ARFGEF3: variants seen among roughly 807,000 people sequenced by gnomAD.
The protein encoded by ARFGEF3 is ARFGEF family member 3.
ARFGEF3 carries 96 observed loss-of-function variants against 221.7 expected under a neutral mutation model. The observed-to-expected ratio is 0.43, with a 90% confidence interval of 0.37 to 0.51. The LOEUF (loss-of-function observed/expected upper bound fraction) is 0.51, where lower values mean the gene tolerates loss of function less well. Ranked by LOEUF, ARFGEF3 falls within the 20% of genes least tolerant of loss-of-function variation. The pLI is 0.00. For synonymous variants in ARFGEF3, 1,145 were observed against 1,126.8 expected (o/e 1.02, Z -0.32); for missense variants, 2,410 against 2,789.9 (o/e 0.86, Z 3.07).
chr6:138,308,290 C>T (rs1190176442), intron 23 of ARFGEF3, among the ~76,000 whole-genome samples: 5 of 152,102 alleles, frequency 3.3e-5, no homozygotes, highest in South Asian at 2.1e-4. Context: ...CCCAGACACC[C>T]GCCAAAGGCC....
At chr6:138,270,455 CACACACACAT>C (rs200366040) in intron 12 of ARFGEF3, among the ~76,000 whole-genome samples, 9,794 of 148,802 alleles carry the variant, frequency 0.066, 995 homozygotes, top group African/African-American at 0.24. Context: ...CACACACACA[CACACACACAT>C]ATATATATCT....
intron 2 of ARFGEF3, among the ~76,000 whole-genome samples, chr6:138,181,262 G>C (rs1777074923): frequency 6.6e-6 from 1 of 152,146 alleles, no homozygotes; most frequent in Admixed American, 6.5e-5. Flanking sequence ...ATGTTGACTT[G>C]AGTGATATTT....
At chr6:138,255,809 G>T in intron 10 of ARFGEF3, 40 bp downstream of exon 10, 1 of 1,442,636 alleles carries the variant, frequency 6.9e-7, no homozygotes, top group East Asian at 2.5e-5. Flanking sequence ...TTTACAAGGG[G>T]GCCTGACCAG....
chr6:138,218,203 C>T, intron 4 of ARFGEF3: 1 of 1,613,828 alleles, frequency 6.2e-7, no homozygotes, highest in East Asian at 2.2e-5. Context: ...AACTCTGTTG[C>T]CTTTTGACTT....
chr6:138,221,776 G>A (rs1777986265), intron 4 of ARFGEF3, among the ~76,000 whole-genome samples: 1 of 152,040 alleles, frequency 6.6e-6, no homozygotes, highest in African/African-American at 2.4e-5. Flanking sequence ...ATCAATAAAG[G>A]CCAGAAAAGA....
chr6:138,312,690 A>G (rs1405949351), intron 25 of ARFGEF3, among the ~76,000 whole-genome samples: 2 of 152,056 alleles, frequency 1.3e-5, no homozygotes, highest in East Asian at 1.9e-4. Flanking sequence ...GGATCTGCCA[A>G]TTCCTGCCAA....
At chr6:138,262,019 A>G (rs72986872) in intron 11 of ARFGEF3, among the ~76,000 whole-genome samples, 14,069 of 152,098 alleles carry the variant, frequency 0.092, 858 homozygotes, top group Middle Eastern at 0.18. Flanking sequence ...TGTTTACTTT[A>G]TAGAGGAAGG....
At chr6:138,300,094 G>C (rs1214273697) in intron 22 of ARFGEF3, among the ~76,000 whole-genome samples, 1 of 152,080 alleles carries the variant, frequency 6.6e-6, no homozygotes, top group Non-Finnish European at 1.5e-5. Context: ...GCAACGGAGA[G>C]AACTGATAAA....
At chr6:138,259,007 A>C (rs1304673079) in intron 10 of ARFGEF3, among the ~76,000 whole-genome samples, 1 of 152,202 alleles carries the variant, frequency 6.6e-6, no homozygotes, top group Non-Finnish European at 1.5e-5. Flanking sequence ...CTAGCTTCCC[A>C]AGGTCATTTT....
chr6:138,182,379 C>T (rs1426298930), intron 2 of ARFGEF3, among the ~76,000 whole-genome samples: 1 of 152,134 alleles, frequency 6.6e-6, no homozygotes, highest in Non-Finnish European at 1.5e-5. Flanking sequence ...TCCTAGAAAA[C>T]CTGCTATATT....
At chr6:138,231,534 A>G (rs1397507293) in intron 5 of ARFGEF3, among the ~76,000 whole-genome samples, 1 of 152,234 alleles carries the variant, frequency 6.6e-6, no homozygotes. Flanking sequence ...TGTGCTGATT[A>G]GACAAGAAAA....
At chr6:138,309,724 G>GT (rs1463991604) in intron 24 of ARFGEF3, among the ~76,000 whole-genome samples, 7 of 152,208 alleles carry the variant, frequency 4.6e-5, no homozygotes, top group African/African-American at 1.7e-4. Flanking sequence ...CACTGATGGT[G>GT]TAACTCTTAA....
chr6:138,192,211 AG>A (rs1031938333), intron 2 of ARFGEF3, among the ~76,000 whole-genome samples: 149 of 152,274 alleles, frequency 9.8e-4, no homozygotes, highest in African/African-American at 3.4e-3. Context: ...TGTCGGGGCC[AG>A]GCAAGGTGGT....
chr6:138,174,914 G>A (rs1460065699), intron 2 of ARFGEF3, among the ~76,000 whole-genome samples: 1 of 152,158 alleles, frequency 6.6e-6, no homozygotes, highest in Non-Finnish European at 1.5e-5. Context: ...AGCCTGTGTT[G>A]AAATTGAATC....
In ARFGEF3 at chr6:138,240,855, T is replaced by G. The variant is rs562440787; in HGVS notation, c.544-2097T>G. Among the ~76,000 whole-genome samples the G allele has an allele frequency of 3.3e-5, 5 of 152,248 alleles. 1 individual carries two copies. Among genetic ancestry groups the G allele is most frequent in the African/African-American group, 1.2e-4 (5 of 41,548 alleles). On this transcript the variant is annotated intron_variant, in intron 6 of 33. Transcript: ENST00000251691. Reference sequence around the variant, plus strand: ...CATCTATAGGAATGGAGGGGTTTGCTCTAAAGAGGCCACGTATTCCCCTGG... The same window carrying G: ...CATCTATAGGAATGGAGGGGTTTGCGCTAAAGAGGCCACGTATTCCCCTGG...
chr6:138,320,234 G>T (rs1331150549), intron 28 of ARFGEF3, among the ~76,000 whole-genome samples: 15 of 152,208 alleles, frequency 9.9e-5, no homozygotes, highest in Admixed American at 5.9e-4. Context: ...TAGCCTGTGG[G>T]GGGGTAGCGG....
chr6:138,186,647 C>G (rs1050635374), intron 2 of ARFGEF3, among the ~76,000 whole-genome samples: 3 of 152,180 alleles, frequency 2.0e-5, no homozygotes, highest in Admixed American at 2.0e-4. Context: ...TAAAGTTAGA[C>G]TCTTGTCACT....
At position 138,339,706 on chromosome 6, in the gene ARFGEF3, G is replaced by A. The variant is rs1483325636; in HGVS notation, c.*3220G>A. 6.6e-6 allele frequency: 1 copy of A among 152,124 alleles called. No homozygotes were observed. The highest frequency in any genetic ancestry group is 2.4e-5 in the African/African-American group (1 of 41,422). The allele number at this position is 152,124 out of a possible 1,614,324, so 9.4% of individuals were successfully genotyped here. A position where few individuals can be genotyped will look rare whatever the true frequency, so the allele number is the denominator to read the frequency against. ...AATGAGGACATCGGTTTTCACAATT[G>A]AACCTCATGCACTGTCCACAGCATC... On this transcript the variant is annotated 3_prime_UTR_variant, in exon 34 of 34. Coordinates refer to ENST00000251691, the MANE Select transcript of ARFGEF3 (RefSeq NM_020340.5).
In ARFGEF3 at chr6:138,218,759, G is replaced by T. The variant is rs1411136844; in HGVS notation, c.351+8718G>T. Reference sequence around the variant, plus strand: ...TATGGGCAGAGACAATTTGAGATGAGGCTCTCATTCTGCAGAGAGTCTGAG... The same window carrying T: ...TATGGGCAGAGACAATTTGAGATGATGCTCTCATTCTGCAGAGAGTCTGAG... On this transcript the variant is annotated intron_variant, in intron 4 of 33. Transcript: ENST00000251691. 2.0e-5 allele frequency among the ~76,000 whole-genome samples: 3 copies of T among 152,178 alleles called. No homozygotes were observed. In the South Asian group the frequency reaches 6.2e-4, roughly 32 times the overall value.
Sources: allele counts gnomAD v4.1 joint callset (sites outside exome capture counted in the v4.1 genomes callset), GRCh38; gene constraint gnomAD v4.1.1; transcripts MANE v1.5; gene names NCBI Gene and HGNC (gene_info 2026-07-23, HGNC 2026-07-21).